DSE: variants seen among roughly 807,000 people sequenced by gnomAD.
DSE encodes dermatan sulfate epimerase, also known as dermatan-sulfate epimerase.
DSE carries 36 observed loss-of-function variants against 84.4 expected under a neutral mutation model. The observed-to-expected ratio is 0.43, with a 90% confidence interval of 0.33 to 0.56. The LOEUF (loss-of-function observed/expected upper bound fraction) is 0.56. DSE is among the 20% of genes least tolerant of loss of function. The pLI is 0.06. For missense variants in DSE, 862 were observed against 1,169.6 expected (o/e 0.74, Z 3.84); for synonymous variants, 410 against 430.1 (o/e 0.95, Z 0.58).
chr6:116,365,469 G>T (rs1396552019), upstream of DSE, among the ~76,000 whole-genome samples: 2 of 151,578 alleles, frequency 1.3e-5, no homozygotes, highest in African/African-American at 4.9e-5. Flanking sequence ...TAGCCAGGAT[G>T]GTCTCGATCT....
intron 2 of DSE, among the ~76,000 whole-genome samples, chr6:116,261,537 A>G (rs1772414552): frequency 6.6e-6 from 1 of 152,190 alleles, no homozygotes; most frequent in Non-Finnish European, 1.5e-5. Context: ...ATACAGGATC[A>G]TGTAGTCTGC....
At position 116,404,612 on chromosome 6, in the gene DSE, C is replaced by G. The variant is rs568287213; in HGVS notation, c.416+4946C>G. On this transcript the variant is annotated intron_variant, in intron 2 of 5. Transcript: ENST00000644252. ...GGTTATTCCTCCCACACAAGGTCAT[C>G]CCAAGGATTGAATGAAGTAATGCAT... is the stretch of plus-strand genomic sequence containing the variant. Among the ~76,000 whole-genome samples, 11 of 152,340 alleles carry G rather than the reference C, an allele frequency of 7.2e-5. No homozygotes were observed. In the East Asian group the frequency reaches 2.1e-3, roughly 29 times the overall value.
chr6:116,279,117 T>G (rs1350351791), intron 2 of DSE: 1 of 1,614,132 alleles, frequency 6.2e-7, no homozygotes, highest in South Asian at 1.1e-5. Context: ...CAGTGTCCAG[T>G]TCCAGCTGGA....
intron 2 of DSE, among the ~76,000 whole-genome samples, chr6:116,358,585 C>A (rs1022832659): frequency 6.6e-6 from 1 of 152,188 alleles, no homozygotes; most frequent in Non-Finnish European, 1.5e-5. Context: ...TGTGGGGAAC[C>A]TCAGGTGCCT....
intron 2 of DSE, among the ~76,000 whole-genome samples, chr6:116,316,823 C>CTGCTATTATTATTAT (rs1554211535): frequency 1.1e-5 from 1 of 88,318 alleles, no homozygotes; most frequent in African/African-American, 5.0e-5. Context: ...ACTACTACTA[C>CTGCTATTATTATTAT]TACTATTATT....
intron 2 of DSE, among the ~76,000 whole-genome samples, chr6:116,351,665 C>T (rs890542442): frequency 1.2e-4 from 18 of 152,014 alleles, no homozygotes; most frequent in African/African-American, 4.3e-4. Context: ...GGATATTGAC[C>T]ATCTTGGATA....
At chr6:116,278,281 G>A (rs1170862391) in intron 2 of DSE, 3 of 539,718 alleles carry the variant, frequency 5.6e-6, no homozygotes, top group African/African-American at 1.9e-5. Context: ...TGTGAAGGAT[G>A]ACCTCGTAGC....
chr6:116,370,968 A>C lies in DSE; in HGVS notation c.-207A>C, dbSNP rs1779508966. On this transcript the variant is annotated 5_prime_UTR_variant, in exon 1 of 6. Coordinates refer to ENST00000644252, the MANE Select transcript of DSE (RefSeq NM_013352.4). ...TCTCAGTAGCGTCGCCCGAGGCTGC[A>C]GCAGCGCATCCCGGGGCATGGCGCG... 7.1e-6 allele frequency: 7 copies of C among 985,386 alleles called. No individual in the cohort carries two copies. The highest frequency in any genetic ancestry group is 8.4e-6 in the Non-Finnish European group (7 of 830,018). The allele number at this position is 985,386 out of a possible 1,614,324, so 61.0% of individuals were successfully genotyped here.
chr6:116,419,439 GTT>G (rs1782934717), intron 2 of DSE, among the ~76,000 whole-genome samples: 2 of 152,350 alleles, frequency 1.3e-5, no homozygotes, highest in African/African-American at 4.8e-5. Context: ...ACACAAAGGT[GTT>G]TGGTTGAAAG....
chr6:116,429,648 T>C (rs892144144), intron 3 of DSE, among the ~76,000 whole-genome samples: 3 of 151,846 alleles, frequency 2.0e-5, no homozygotes, highest in Admixed American at 2.0e-4. Context: ...TTATAAATGT[T>C]ATAGAAATAT....
chr6:116,266,714 C>G (rs1298577999), intron 2 of DSE, among the ~76,000 whole-genome samples: 3 of 152,142 alleles, frequency 2.0e-5, no homozygotes, highest in Non-Finnish European at 4.4e-5. Flanking sequence ...AGCTTTGTGT[C>G]AGAGTTTAAT....
At chr6:116,276,158 G>A (rs1277270638) in intron 2 of DSE, among the ~76,000 whole-genome samples, 1 of 152,148 alleles carries the variant, frequency 6.6e-6, no homozygotes, top group African/African-American at 2.4e-5. Context: ...CTTTGGCAGA[G>A]GAATTACCAA....
At chr6:116,295,362 T>G (rs1294694470) in intron 2 of DSE, among the ~76,000 whole-genome samples, 1 of 152,162 alleles carries the variant, frequency 6.6e-6, no homozygotes, top group Non-Finnish European at 1.5e-5. Flanking sequence ...GAGTATTATG[T>G]TCTGCTGTGG....
rs1231917332 is a variant in DSE at position 116,443,619 on chromosome 6, A to G, written c.*6274A>G. The G allele has an allele frequency of 1.3e-5, 2 of 152,246 alleles. No homozygotes were observed. Among genetic ancestry groups the G allele is most frequent in the East Asian group, 1.9e-4 (1 of 5,202 alleles). The allele number at this position is 152,246 out of a possible 1,614,324, so 9.4% of individuals were successfully genotyped here. On this transcript the variant is annotated 3_prime_UTR_variant, in exon 6 of 6. Coordinates refer to ENST00000644252, the MANE Select transcript of DSE (RefSeq NM_013352.4). ...AGGCAGTTGGAGTACTTTCTAAATC[A>G]GAAAAGTAAAAGTGCTGCTCCTTCT...
intron 2 of DSE, among the ~76,000 whole-genome samples, chr6:116,269,644 T>G (rs1569825): frequency 0.28 from 42,693 of 151,878 alleles, 7,207 homozygotes; most frequent in East Asian, 0.67. Flanking sequence ...TATGGTATTT[T>G]GGGCTGATAG....
chr6:116,433,739 T>G (rs746245310), intron 5 of DSE, among the ~76,000 whole-genome samples, 189 bp downstream of exon 5: 8 of 152,176 alleles, frequency 5.3e-5, no homozygotes, highest in Non-Finnish European at 1.0e-4. Flanking sequence ...AAACTTTTCT[T>G]TTTTAAAAAA....
chr6:116,436,386 C>T lies in DSE; in HGVS notation c.1918C>T (p.Pro640Ser), dbSNP rs1194377582. The T allele has an allele frequency of 1.2e-6, 2 of 1,614,168 alleles. No homozygotes were observed. Among genetic ancestry groups the T allele is most frequent in the East Asian group, 2.2e-5 (1 of 44,888 alleles). Residue 640 changes from proline (P) to serine (S), a missense_variant, in exon 6 of 6, where the codon CCC becomes TCC. Around this residue, in one of 4 missense-constraint regions of DSE, gnomAD observed 186 missense variants for 255.1 expected, o/e 0.73. Coordinates refer to ENST00000644252, the MANE Select transcript of DSE (RefSeq NM_013352.4). ...FASVTYPRGY[P>S]YNGTNYVNVT... Reference sequence around the variant, plus strand: ...CTCAGTGACATATCCTCGGGGCTATCCCTACAATGGGACAAACTATGTGAA... The same window carrying T: ...CTCAGTGACATATCCTCGGGGCTATTCCTACAATGGGACAAACTATGTGAA...
chr6:116,420,325 GC>G (rs762617000), intron 2 of DSE, among the ~76,000 whole-genome samples: 15 of 152,194 alleles, frequency 9.9e-5, no homozygotes, highest in Non-Finnish European at 2.1e-4. Context: ...AGAGAAAAGG[GC>G]CTATAGGAGA....
At chr6:116,358,179 T>C (rs1224972191) in intron 2 of DSE, among the ~76,000 whole-genome samples, 2 of 152,222 alleles carry the variant, frequency 1.3e-5, no homozygotes, top group African/African-American at 4.8e-5. Context: ...ATGAGTCTCT[T>C]TCCTACATGA....
Sources: gnomAD v4.1 joint callset for allele counts (sites outside exome capture counted in the v4.1 genomes callset) on GRCh38, gnomAD v4.1.1 for gene constraint, gnomAD v4.1.1 regional missense constraint, MANE v1.5 for transcripts, NCBI Gene and HGNC (gene_info 2026-07-23, HGNC 2026-07-21) for gene names.